Variants in LRRCC1 observed in about 807,000 individuals in gnomAD.
LRRCC1 encodes the protein leucine rich repeat and coiled-coil centrosomal protein 1.
In LRRCC1, 115 loss-of-function variants were observed where a neutral mutation model predicts 126.0. The observed-to-expected ratio is 0.91, with a 90% CI of 0.78 to 1.07. The LOEUF (loss-of-function observed/expected upper bound fraction) is 1.07. LRRCC1 is among the 50% of genes least tolerant of loss of function. LRRCC1 has a pLI of 0.00. For missense variants in LRRCC1, 1,172 were observed against 1,175.7 expected (o/e 1.00, Z 0.05); for synonymous variants, 400 against 393.4 (o/e 1.02, Z -0.20).
intron 18 of LRRCC1, among the ~76,000 whole-genome samples, chr8:85,144,777 T>C (rs1440354662): frequency 4.1e-4 from 57 of 139,688 alleles, no homozygotes; most frequent in Non-Finnish European, 6.2e-5. Context: ...TTAAAATATA[T>C]TGCCATGTCT....
Position 85,135,764 on chromosome 8 carries a change from TA to T in LRRCC1, c.2155-24del, listed in dbSNP as rs769121953. The T allele has an allele frequency of 1.0e-4, 128 of 1,246,156 alleles. 1 individual carries two copies. In the South Asian group the frequency reaches 2.2e-3, roughly 21 times the overall value. 77.2% of individuals were successfully genotyped at this position (1,246,156 alleles called of 1,614,324 possible). ...ATAAAGCACTTAATATAATAATTCT[TA>T]TTTTTTTTTTTGGGAATATACAGAA... is the stretch of plus-strand genomic sequence containing the variant. On this transcript the variant is annotated intron_variant, in intron 13 of 18. Transcript: ENST00000360375.
At position 85,137,535 on chromosome 8, in the gene LRRCC1, C is replaced by A; in HGVS notation, c.2401C>A (p.Leu801Met). The change falls in exon 15 of 19, where the codon CTG becomes ATG. Residue 801 changes from leucine (L) to methionine (M), a missense_variant. By Grantham distance (15) the Leu-to-Met change is conservative (BLOSUM62 2). Coordinates refer to ENST00000360375, the MANE Select transcript of LRRCC1 (RefSeq NM_033402.5). ...IESLSRENEC[L>M]RKTNESDSDA... ...GAGTTTATCTAGAGAGAATGAATGT[C>A]TGCGAAAGACAAATGAAAGTGATAG... 1.3e-6 allele frequency: 2 copies of A among 1,566,650 alleles called. No homozygotes were observed. Among genetic ancestry groups the A allele is most frequent in the Admixed American group, 2.0e-5 (1 of 50,398 alleles).
chr8:85,145,407 G>A lies in LRRCC1; in HGVS notation c.2995G>A (p.Glu999Lys). The A allele has an allele frequency of 1.3e-6, 2 of 1,552,322 alleles. No homozygotes were observed. Among genetic ancestry groups the A allele is most frequent in the East Asian group, 2.4e-5 (1 of 41,586 alleles). The change falls in exon 19 of 19, where the codon GAA becomes AAA. Residue 999 changes from glutamate (E) to lysine (K), a missense_variant. Glu to Lys is a moderately conservative substitution (Grantham distance 56, BLOSUM62 1). Transcript: ENST00000360375. ...ANLKVHQIEK[E>K]MRELLEETCK... is the part of the protein sequence containing the mutation. ...GATTTAGGTCCATCAAATTGAAAAA[G>A]AAATGCGTGAACTTTTGGAAGAAAC...
At position 85,126,716 on chromosome 8, in the gene LRRCC1, A is replaced by G; in HGVS notation, c.1300A>G (p.Arg434Gly). 1 of 1,612,788 alleles carries G rather than the reference A, an allele frequency of 6.2e-7. No individual in the cohort carries two copies. The change falls in exon 9 of 19, where the codon AGA (arginine) becomes GGA (glycine). Residue 434 changes from arginine (R) to glycine (G), a missense_variant. By Grantham distance (125) the Arg-to-Gly change is moderately radical. Transcript: ENST00000360375. ...QSLVEQLDQE[R>G]EKRWRAEQAE... ...CCTTGTTGAACAGCTAGACCAAGAGAGAGAGAAGAGATGGAGAGCTGAGCA... is the reference window on the plus strand; with the variant it reads ...CCTTGTTGAACAGCTAGACCAAGAGGGAGAGAAGAGATGGAGAGCTGAGCA...
rs1171518396 is a variant in LRRCC1, at chr8:85,145,892, G to A, written c.*381G>A. On this transcript the variant is annotated 3_prime_UTR_variant, in exon 19 of 19. Transcript: ENST00000360375. ...TGATGATGAAGAACTAATTATATTT[G>A]TTATTTAATTGATGTAGCTCAATTC... 6.5e-6 allele frequency: 1 copy of A among 152,804 alleles called. No individual in the cohort carries two copies. Among genetic ancestry groups the A allele is most frequent in the Non-Finnish European group, 1.5e-5 (1 of 68,486 alleles). The allele number at this position is 152,804 out of a possible 1,614,324, so 9.5% of individuals were successfully genotyped here.
intron 17 of LRRCC1, among the ~76,000 whole-genome samples, chr8:85,140,777 C>T (rs1304595102): frequency 6.6e-6 from 1 of 152,066 alleles, no homozygotes. Context: ...ATAAACTATA[C>T]CCTTAAGCCA....
intron 2 of LRRCC1, 44 bp from the exon 3 acceptor site, chr8:85,110,071 T>A: frequency 1.2e-6 from 1 of 844,664 alleles, no homozygotes. Flanking sequence ...ATTAATTATT[T>A]AAATTTTATA....
chr8:85,141,485 A>G lies in LRRCC1; in HGVS notation c.2944A>G (p.Lys982Glu), dbSNP rs1811249251. The stretch of plus-strand genomic sequence containing the variant: ...TGAAATAGCACAGCTGGCCAATGAA[A>G]AGCAGAAGTGTATTGATTCTGCAAA... ...QAEIAQLANE[K>E]QKCIDSANLK... Residue 982 changes from lysine (K) to glutamate (E), a missense_variant, in exon 18 of 19, where the codon AAG (lysine) becomes GAG (glutamate). Transcript: ENST00000360375. 1.2e-6 allele frequency: 2 copies of G among 1,612,408 alleles called. No individual in the cohort carries two copies. Among genetic ancestry groups the G allele is most frequent in the African/African-American group, 1.3e-5 (1 of 74,892 alleles).
At chr8:85,114,970 A>G (rs1337622071) in intron 4 of LRRCC1, 130 bp from the exon 5 acceptor site, 2 of 614,628 alleles carry the variant, frequency 3.3e-6, no homozygotes, top group Non-Finnish European at 5.3e-6. Flanking sequence ...TGAATAAGTA[A>G]CAAGTTTATT....
intron 3 of LRRCC1, among the ~76,000 whole-genome samples, chr8:85,112,005 C>T (rs1165049139): frequency 6.6e-6 from 1 of 151,758 alleles, no homozygotes; most frequent in Non-Finnish European, 1.5e-5. Context: ...GGACTACAGG[C>T]GTGTTCCACC....
intron 3 of LRRCC1, among the ~76,000 whole-genome samples, chr8:85,112,297 C>T (rs777349995): frequency 2.0e-4 from 30 of 152,088 alleles, no homozygotes; most frequent in Non-Finnish European, 4.0e-4. Context: ...CATGAACGTT[C>T]GTATGATTAC....
chr8:85,136,049 T>A, intron 14 of LRRCC1, 86 bp downstream of exon 14: 1 of 1,108,552 alleles, frequency 9.0e-7, no homozygotes, highest in Non-Finnish European at 1.2e-6. Flanking sequence ...GACTCAACTC[T>A]GCCTAAAGAT....
At chr8:85,123,037 G>T (rs1809688287) in intron 6 of LRRCC1, among the ~76,000 whole-genome samples, 1 of 152,136 alleles carries the variant, frequency 6.6e-6, no homozygotes, top group African/African-American at 2.4e-5. Flanking sequence ...TAGACTCTCT[G>T]CATGATGCTG....
In LRRCC1 at chr8:85,145,688, A is replaced by G. The variant is rs1208407069; in HGVS notation, c.*177A>G. 4.8e-6 allele frequency: 2 copies of G among 413,330 alleles called. No homozygotes were observed. The highest frequency in any genetic ancestry group is 2.1e-5 in the African/African-American group (1 of 47,390). The allele number at this position is 413,330 out of a possible 1,614,324, so 25.6% of individuals were successfully genotyped here. ...TTATTAATTGTATAGGTTTTTTATA[A>G]TAAATTGTTGACAATTTTGTCTATT... On this transcript the variant is annotated 3_prime_UTR_variant, in exon 19 of 19. Transcript: ENST00000360375.
At position 85,109,730 on chromosome 8, in the gene LRRCC1, T is replaced by G. The variant is rs532823944; in HGVS notation, c.240T>G (p.Ile80Met). Residue 80 changes from isoleucine (I) to methionine (M), a missense_variant, in exon 2 of 19, where the codon ATT becomes ATG. Ile to Met is a conservative substitution (Grantham distance 10). Coordinates refer to ENST00000360375, the MANE Select transcript of LRRCC1 (RefSeq NM_033402.5). ...LDLSSNQISR[I>M]EGLNTLTKLC... is the part of the protein sequence containing the mutation. ...TGTCATCTAATCAAATAAGTAGAAT[T>G]GAAGGACTAAACACACTGACAAAAC... 1.0e-5 allele frequency: 16 copies of G among 1,604,242 alleles called. No homozygotes were observed. In the South Asian group the frequency reaches 1.7e-4, roughly 17 times the overall value.
intron 14 of LRRCC1, 83 bp downstream of exon 14, chr8:85,136,046 C>A: frequency 8.4e-7 from 1 of 1,195,610 alleles, no homozygotes; most frequent in Non-Finnish European, 1.1e-6. Context: ...AAAGACTCAA[C>A]TCTGCCTAAA....
intron 6 of LRRCC1, 74 bp from the exon 7 acceptor site, chr8:85,123,339 T>C: frequency 1.0e-6 from 1 of 972,340 alleles, no homozygotes; most frequent in African/African-American, 1.7e-5. Context: ...AGATATAATA[T>C]TTCAGAAGAT....
At chr8:85,142,709 A>G (rs1811337692) in intron 18 of LRRCC1, among the ~76,000 whole-genome samples, 1 of 152,058 alleles carries the variant, frequency 6.6e-6, no homozygotes, top group Middle Eastern at 3.2e-3. Flanking sequence ...GCATGCCTGT[A>G]GTCACAGCTA....
chr8:85,138,744 C>T (rs1402733734), intron 17 of LRRCC1, among the ~76,000 whole-genome samples: 1 of 152,118 alleles, frequency 6.6e-6, no homozygotes, highest in Non-Finnish European at 1.5e-5. Flanking sequence ...GTGCCTGACA[C>T]ATAAGAATTG....
Sources: allele counts gnomAD v4.1 joint callset (sites outside exome capture counted in the v4.1 genomes callset), GRCh38; gene constraint gnomAD v4.1.1; transcripts MANE v1.5; gene names NCBI Gene and HGNC (gene_info 2026-07-23, HGNC 2026-07-21).